ITGA6: variants seen among roughly 807,000 people sequenced by gnomAD.
ITGA6 encodes integrin alpha-6.
ITGA6 carries 63 observed loss-of-function variants against 133.6 expected under a neutral mutation model. That is an observed-to-expected ratio of 0.47 (90% CI 0.38 to 0.58). The LOEUF (loss-of-function observed/expected upper bound fraction) is 0.58, where lower values mean the gene tolerates loss of function less well. Among genes scored for constraint, ITGA6 ranks in the 20% least tolerant of loss-of-function variants. ITGA6 has a pLI of 0.00. For missense variants in ITGA6, 1,068 were observed against 1,309.4 expected (o/e 0.82, Z 2.85); for synonymous variants, 434 against 482.0 (o/e 0.90, Z 1.30).
At chr2:172,466,287 G>A (rs1056995281) in intron 2 of ITGA6, among the ~76,000 whole-genome samples, 7 of 152,146 alleles carry the variant, frequency 4.6e-5, no homozygotes, top group African/African-American at 1.7e-4. Flanking sequence ...TTGCAGATTC[G>A]TGTCTATGTT....
At chr2:172,489,289 T>C (rs1243495363) in intron 19 of ITGA6, among the ~76,000 whole-genome samples, 196 bp from the exon 20 acceptor site, 1 of 152,214 alleles carries the variant, frequency 6.6e-6, no homozygotes, top group Non-Finnish European at 1.5e-5. Context: ...CTTTGACCTT[T>C]TTGTTTTTAT....
Position 172,439,383 on chromosome 2 carries a change from T to C in ITGA6, c.182+11413T>C, listed in dbSNP as rs144465876. ...TCTAAAATACTGTCGTTTTTCAATC[T>C]CTTCTTTCAAGATTATTGGTATAGA... On this transcript the variant is annotated intron_variant, in intron 1 of 25. Transcript: ENST00000684293. Among the ~76,000 whole-genome samples, 214 of 151,996 alleles carry C rather than the reference T, an allele frequency of 1.4e-3. 1 individual carries two copies. The highest frequency in any genetic ancestry group is 4.7e-3 in the African/African-American group (197 of 41,562).
At chr2:172,497,432 T>C (rs999007604) in intron 23 of ITGA6, among the ~76,000 whole-genome samples, 2 of 150,090 alleles carry the variant, frequency 1.3e-5, no homozygotes, top group Non-Finnish European at 2.9e-5. Flanking sequence ...GCCTGGGAGG[T>C]TGAGGCTGCA....
At chr2:172,492,349 G>A (rs1415279044) in intron 23 of ITGA6, among the ~76,000 whole-genome samples, 1 of 152,166 alleles carries the variant, frequency 6.6e-6, no homozygotes, top group East Asian at 1.9e-4. Flanking sequence ...AGAATTTGTT[G>A]TCAAGCTGTG....
intron 23 of ITGA6, among the ~76,000 whole-genome samples, chr2:172,494,727 A>C (rs1687061018): frequency 6.6e-6 from 1 of 152,200 alleles, no homozygotes; most frequent in African/African-American, 2.4e-5. Context: ...TCAACTGTTA[A>C]GAATGTCATG....
At position 172,470,876 on chromosome 2, in the gene ITGA6, G is replaced by A. The variant is rs1010942615; in HGVS notation, c.644-98G>A. 7.0e-6 allele frequency: 9 copies of A among 1,281,438 alleles called. No homozygotes were observed. In the African/African-American group the frequency reaches 1.2e-4, roughly 17 times the overall value. The allele number at this position is 1,281,438 out of a possible 1,614,324, so 79.4% of individuals were successfully genotyped here. A position where few individuals can be genotyped will look rare whatever the true frequency, so the allele number is the denominator to read the frequency against. On this transcript the variant is annotated intron_variant, in intron 4 of 25. Transcript: ENST00000684293. Reference sequence around the variant, plus strand: ...TTTTTTCCTCCAAATTTTTTTTCCTGTAACTAGTGATAGCATGGGGGATGT... The same window carrying A: ...TTTTTTCCTCCAAATTTTTTTTCCTATAACTAGTGATAGCATGGGGGATGT...
At chr2:172,431,432 A>C (rs1483709956) in intron 1 of ITGA6, among the ~76,000 whole-genome samples, 2 of 152,218 alleles carry the variant, frequency 1.3e-5, no homozygotes, top group African/African-American at 2.4e-5. Flanking sequence ...TGCTTCCCAT[A>C]TGCATAGGTC....
chr2:172,435,793 A>T (rs1684298305), intron 1 of ITGA6, among the ~76,000 whole-genome samples: 2 of 151,580 alleles, frequency 1.3e-5, no homozygotes, highest in South Asian at 2.1e-4. Context: ...ACACCCAGCA[A>T]TTTTTTTGTG....
At chr2:172,463,364 CA>C (rs1326558338) in intron 1 of ITGA6, among the ~76,000 whole-genome samples, 1 of 152,168 alleles carries the variant, frequency 6.6e-6, no homozygotes, top group African/African-American at 2.4e-5. Context: ...GTTACCTTTA[CA>C]GGAAATCTCT....
rs1265458923 is a variant in ITGA6 at position 172,487,454 on chromosome 2, G to C, written c.2160+1G>C. ...ATATAGAGAACTGAGGGCTTTCCCTGTAAGTATTGTTAGAGACCAGCTGAG... is the reference window on the plus strand; with the variant it reads ...ATATAGAGAACTGAGGGCTTTCCCTCTAAGTATTGTTAGAGACCAGCTGAG... On this transcript the variant is annotated splice_donor_variant, in intron 15 of 25. Transcript: ENST00000684293. LOFTEE classifies it high-confidence loss of function. 6.2e-7 allele frequency: 1 copy of C among 1,613,654 alleles called. No individual in the cohort carries two copies. Among genetic ancestry groups the C allele is most frequent in the Non-Finnish European group, 8.5e-7 (1 of 1,179,554 alleles).
intron 5 of ITGA6, among the ~76,000 whole-genome samples, chr2:172,472,419 G>A (rs746119961): frequency 1.3e-5 from 2 of 152,248 alleles, no homozygotes; most frequent in Non-Finnish European, 2.9e-5. Context: ...ATGGATGGCT[G>A]TGGATTTTAT....
intron 2 of ITGA6, chr2:172,465,927 G>C: frequency 1.8e-6 from 1 of 553,866 alleles, no homozygotes; most frequent in Non-Finnish European, 3.2e-6. Flanking sequence ...GTGATGTGTT[G>C]AGGTTCTGCA....
chr2:172,473,023 A>T lies in ITGA6; in HGVS notation c.776-1032A>T, dbSNP rs182043097. ...TTGAAGCACACACAAAAAGCATGCC[A>T]TGGCTGGGGCTCTGTGGCCAGATGG... On this transcript the variant is annotated intron_variant, in intron 5 of 25. Transcript: ENST00000684293. 54 of 627,710 alleles carry T rather than the reference A, an allele frequency of 8.6e-5. No individual in the cohort carries two copies. In the East Asian group the frequency reaches 1.5e-3, roughly 17 times the overall value. 38.9% of individuals were successfully genotyped at this position (627,710 alleles called of 1,614,324 possible). A position where few individuals can be genotyped will look rare whatever the true frequency, so the allele number is the denominator to read the frequency against.
At chr2:172,468,697 A>G (rs1374558791) in intron 3 of ITGA6, among the ~76,000 whole-genome samples, 1 of 152,222 alleles carries the variant, frequency 6.6e-6, no homozygotes. Flanking sequence ...GATCCCTATG[A>G]AAACAGGTCC....
rs142450737 is a variant in ITGA6 at position 172,488,493 on chromosome 2, A to G, written c.2505+265A>G. 4.1e-3 allele frequency among the ~76,000 whole-genome samples: 622 copies of G among 152,334 alleles called. 8 individuals carry two copies. The South Asian group carries it at 0.052, about 13-fold the overall frequency. The stretch of plus-strand genomic sequence containing the variant: ...TTATTCCTTCCTCCTTTATAAGGTC[A>G]TCTTTCTCACTGCTTGTGGTTGAAA... On this transcript the variant is annotated intron_variant, in intron 19 of 25. Coordinates refer to ENST00000684293, the MANE Select transcript of ITGA6 (RefSeq NM_000210.4).
intron 20 of ITGA6, chr2:172,490,013 A>G (rs944978949): frequency 2.6e-5 from 6 of 227,094 alleles, no homozygotes; most frequent in Admixed American, 1.6e-4. Context: ...CACTCCAAGT[A>G]GAACCAAACT....
chr2:172,480,658 T>C (rs912009725), intron 11 of ITGA6, among the ~76,000 whole-genome samples: 4 of 152,230 alleles, frequency 2.6e-5, no homozygotes, highest in East Asian at 1.9e-4. Context: ...ATGAGTTTGC[T>C]TTCCTGTCCG....
At chr2:172,497,518 A>G (rs976498172) in intron 23 of ITGA6, among the ~76,000 whole-genome samples, 3 of 151,736 alleles carry the variant, frequency 2.0e-5, no homozygotes, top group Non-Finnish European at 4.4e-5. Flanking sequence ...AAAAAAAAAA[A>G]AAGTATGATT....
intron 20 of ITGA6, chr2:172,490,746 G>T (rs1390252170): frequency 7.9e-6 from 3 of 379,554 alleles, no homozygotes; most frequent in Non-Finnish European, 1.5e-5. Flanking sequence ...AGTTTGGTGG[G>T]GATACAGAGG....
Sources: allele counts gnomAD v4.1 joint callset (sites outside exome capture counted in the v4.1 genomes callset), GRCh38; gene constraint gnomAD v4.1.1; transcripts MANE v1.5; gene names NCBI Gene and HGNC (gene_info 2026-07-23, HGNC 2026-07-21).